IRF2: variants seen among roughly 807,000 people sequenced by gnomAD.
IRF2 encodes the protein interferon regulatory factor 2.
A neutral mutation model predicts 40.6 loss-of-function variants in IRF2; 15 were observed. The ratio of observed to expected loss-of-function variants is 0.37; its 90% CI spans 0.25 to 0.57. The LOEUF (loss-of-function observed/expected upper bound fraction) is 0.57. Ranked by LOEUF, IRF2 falls within the 20% of genes least tolerant of loss-of-function variation. The pLI is 0.77. For synonymous variants in IRF2, 151 were observed against 165.5 expected (o/e 0.91, Z 0.67); for missense variants, 317 against 455.7 (o/e 0.70, Z 2.77).
chr4:184,402,996 G>A (rs372381458), intron 6 of IRF2, among the ~76,000 whole-genome samples: 11 of 152,254 alleles, frequency 7.2e-5, no homozygotes, highest in East Asian at 5.8e-4. Context: ...TCCTGAATGC[G>A]GCTGACCAGG....
intron 1 of IRF2, among the ~76,000 whole-genome samples, chr4:184,439,313 T>TA (rs35943221): frequency 0.016 from 1,569 of 96,148 alleles, 32 homozygotes; most frequent in African/African-American, 0.047. Flanking sequence ...CTTAAAACTT[T>TA]AAAAAAAAAA....
At chr4:184,392,958 G>A (rs1375785984) in intron 7 of IRF2, among the ~76,000 whole-genome samples, 1 of 152,164 alleles carries the variant, frequency 6.6e-6, no homozygotes, top group Admixed American at 6.5e-5. Flanking sequence ...CTCAGCCTCA[G>A]CTGACGACGA....
rs2149893222 is a variant in IRF2, at chr4:184,399,096, G to A, written c.530-17C>T. ...GTCCTACAACTTCAAAGAAAAGACA[G>A]CCATCATGCAAAGTCTGCTGACCTC... On this transcript the variant is annotated splice_polypyrimidine_tract_variant and intron_variant, in intron 6 of 8. Transcript: ENST00000393593. 1 of 1,570,676 alleles carries A rather than the reference G, an allele frequency of 6.4e-7. No individual in the cohort carries two copies. Among genetic ancestry groups the A allele is most frequent in the Non-Finnish European group, 8.6e-7 (1 of 1,160,454 alleles).
chr4:184,453,443 T>A (rs758563300), intron 1 of IRF2, among the ~76,000 whole-genome samples: 1 of 152,224 alleles, frequency 6.6e-6, no homozygotes, highest in East Asian at 1.9e-4. Context: ...TCTTTCCATA[T>A]GGAAAACGGG....
rs569101009 is a variant in IRF2, at chr4:184,451,455, C to A, written c.-6-22385G>T. Among the ~76,000 whole-genome samples the A allele has an allele frequency of 7.2e-5, 11 of 152,280 alleles. No individual in the cohort carries two copies. In the East Asian group the frequency reaches 1.5e-3, roughly 21 times the overall value. On this transcript the variant is annotated intron_variant, in intron 1 of 8. Coordinates refer to ENST00000393593, the MANE Select transcript of IRF2 (RefSeq NM_002199.4). ...AAACTCTATACATTATCTCATTTAA[C>A]CCTCACAGTAACCCCATGGGGTCGT...
chr4:184,432,385 A>G (rs2149905580), intron 1 of IRF2, among the ~76,000 whole-genome samples: 1 of 152,392 alleles, frequency 6.6e-6, no homozygotes, highest in Non-Finnish European at 1.5e-5. Context: ...GACATTTGTC[A>G]CATCGTTGTG....
rs113845556 is a variant in IRF2 at position 184,413,023 on chromosome 4, C to T, written c.412-4748G>A. Among the ~76,000 whole-genome samples, 941 of 152,320 alleles carry T rather than the reference C, an allele frequency of 6.2e-3. 11 individuals are homozygous for T. Among genetic ancestry groups the T allele is most frequent in the African/African-American group, 0.021 (881 of 41,580 alleles). ...AAAGCGAAACACCCTCTCCACAAAA[C>T]GACCTGCATTCCCAACACTCGCTTC... is the stretch of plus-strand genomic sequence containing the variant. On this transcript the variant is annotated intron_variant, in intron 5 of 8. Coordinates refer to ENST00000393593, the MANE Select transcript of IRF2 (RefSeq NM_002199.4). The surrounding 1 kb of genome is among the most constrained non-coding windows in gnomAD (Gnocchi z 4.2).
At chr4:184,463,853 G>A (rs908830684) in intron 1 of IRF2, among the ~76,000 whole-genome samples, 1 of 152,196 alleles carries the variant, frequency 6.6e-6, no homozygotes, top group Non-Finnish European at 1.5e-5. Flanking sequence ...CTCTGATTAA[G>A]CTCTACTGTC....
chr4:184,393,450 A>T (rs1456304533), intron 7 of IRF2, among the ~76,000 whole-genome samples: 4 of 152,158 alleles, frequency 2.6e-5, no homozygotes, highest in African/African-American at 7.2e-5. Context: ...GCAACCAAGC[A>T]TGCTTTGGGG....
intron 6 of IRF2, chr4:184,407,235 T>C: frequency 7.8e-7 from 1 of 1,288,842 alleles, no homozygotes; most frequent in Non-Finnish European, 1.0e-6. Context: ...GCTGGCTTCT[T>C]CCGTTTCCCA....
chr4:184,445,267 T>C (rs563749515), intron 1 of IRF2, among the ~76,000 whole-genome samples: 20 of 152,234 alleles, frequency 1.3e-4, no homozygotes, highest in Non-Finnish European at 2.5e-4. Context: ...CCCAGTGTCA[T>C]CACACTAAGT....
intron 2 of IRF2, among the ~76,000 whole-genome samples, chr4:184,425,976 G>T (rs1422018259): frequency 4.5e-5 from 3 of 66,998 alleles, no homozygotes; most frequent in Non-Finnish European, 8.9e-5. Flanking sequence ...GCTCACTCCG[G>T]TTTTTGTTTG....
At chr4:184,403,320 G>A (rs7696566) in intron 6 of IRF2, among the ~76,000 whole-genome samples, 3,208 of 152,062 alleles carry the variant, frequency 0.021, 117 homozygotes, top group African/African-American at 0.074. Context: ...ACCACCAAGC[G>A]GCAAAACAGA....
chr4:184,396,766 G>A (rs1378088636), intron 7 of IRF2, among the ~76,000 whole-genome samples: 7 of 151,938 alleles, frequency 4.6e-5, no homozygotes, highest in East Asian at 1.9e-4. Flanking sequence ...GGATGATGAC[G>A]ATACCCAGGC....
intron 1 of IRF2, among the ~76,000 whole-genome samples, chr4:184,458,498 C>G (rs745367975): frequency 7.2e-5 from 11 of 152,216 alleles, no homozygotes; most frequent in African/African-American, 2.7e-4. Context: ...AGAAGAGAGT[C>G]TTCAATTTAA....
At chr4:184,429,128 T>G in intron 1 of IRF2, 58 bp from the exon 2 acceptor site, 1 of 1,343,340 alleles carries the variant, frequency 7.4e-7, no homozygotes, top group Non-Finnish European at 1.1e-6. Context: ...GTGTCTGCAC[T>G]GCAGAGTTCT....
intron 1 of IRF2, among the ~76,000 whole-genome samples, chr4:184,467,909 C>A (rs765212231): frequency 6.6e-6 from 1 of 152,166 alleles, no homozygotes; most frequent in Non-Finnish European, 1.5e-5. Context: ...TTTTATCACA[C>A]AAAATCCTAA....
chr4:184,401,931 T>G (rs1483871853), intron 6 of IRF2, among the ~76,000 whole-genome samples: 1 of 152,188 alleles, frequency 6.6e-6, no homozygotes. Context: ...AGCTCAAGTA[T>G]CCCCCTAGTC....
intron 1 of IRF2, among the ~76,000 whole-genome samples, chr4:184,458,419 A>C (rs562735841): frequency 6.6e-6 from 1 of 152,326 alleles, no homozygotes; most frequent in South Asian, 2.1e-4. Context: ...GGCTTCACAC[A>C]CAGCTGTTCA....
Sources: allele counts gnomAD v4.1 joint callset (sites outside exome capture counted in the v4.1 genomes callset), GRCh38; gene constraint gnomAD v4.1.1; non-coding constraint Gnocchi (gnomAD v3.1); transcripts MANE v1.5; gene names NCBI Gene and HGNC (gene_info 2026-07-23, HGNC 2026-07-21).